Variants in LMTK2 observed in about 807,000 individuals in gnomAD.
The protein encoded by LMTK2 is serine/threonine-protein kinase LMTK2.
LMTK2 carries 37 observed loss-of-function variants against 127.5 expected under a neutral mutation model. The ratio of observed to expected loss-of-function variants is 0.29; its 90% CI spans 0.22 to 0.38. LMTK2 has a LOEUF of 0.38. Among genes scored for constraint, LMTK2 ranks in the 10% least tolerant of loss-of-function variants. LMTK2 has a pLI of 1.00. For missense variants in LMTK2, 1,694 were observed against 1,920.3 expected, an observed-to-expected ratio of 0.88 and a Z score of 2.20; for synonymous variants, 819 against 810.1, an observed-to-expected ratio of 1.01 and a Z score of -0.19.
chr7:98,196,611 G>A (rs1240536680), intron 11 of LMTK2, among the ~76,000 whole-genome samples: 1 of 152,230 alleles, frequency 6.6e-6, no homozygotes, highest in African/African-American at 2.4e-5. Context: ...TGAGAGGGAC[G>A]CAGTCCCAGT....
intron 3 of LMTK2, among the ~76,000 whole-genome samples, chr7:98,144,997 G>C (rs180848405): frequency 6.9e-4 from 105 of 152,254 alleles, no homozygotes; most frequent in Non-Finnish European, 9.7e-4. Context: ...TTTGCAGGTG[G>C]TTGTTGTACT....
rs548731659 is a variant in LMTK2, at chr7:98,185,678, C to T, written c.876+543C>T. On this transcript the variant is annotated intron_variant, in intron 8 of 13. Transcript: ENST00000297293. ...GCAGAGAATGGGACTGTCCCAGCTC[C>T]GGGCTGTCAGGAGACCTCGGATAAG... is the stretch of plus-strand genomic sequence containing the variant. Among the ~76,000 whole-genome samples, 4 of 151,784 alleles carry T rather than the reference C, an allele frequency of 2.6e-5. No individual in the cohort carries two copies. The South Asian group carries it at 6.3e-4, about 24-fold the overall frequency.
chr7:98,157,293 G>T (rs1287985434), intron 5 of LMTK2, among the ~76,000 whole-genome samples: 59 of 126,286 alleles, frequency 4.7e-4, no homozygotes, highest in African/African-American at 1.6e-3. Flanking sequence ...AGGTAGGTAG[G>T]TAGGTAGATT....
At chr7:98,173,703 A>C (rs1051777421) in intron 7 of LMTK2, among the ~76,000 whole-genome samples, 1 of 152,228 alleles carries the variant, frequency 6.6e-6, no homozygotes, top group Non-Finnish European at 1.5e-5. Flanking sequence ...TAGAGCAAGT[A>C]AAGATGATGA....
intron 1 of LMTK2, among the ~76,000 whole-genome samples, chr7:98,135,766 A>C (rs1293592894): frequency 6.6e-6 from 1 of 152,220 alleles, no homozygotes; most frequent in Non-Finnish European, 1.5e-5. Context: ...GCTAAAAATA[A>C]GATGTAAAAA....
chr7:98,148,769 A>G (rs1796808750), intron 3 of LMTK2, among the ~76,000 whole-genome samples: 1 of 152,326 alleles, frequency 6.6e-6, no homozygotes, highest in East Asian at 1.9e-4. Context: ...CACTCCTTCA[A>G]CACCTAGCCA....
chr7:98,110,331 T>C (rs1661716260), intron 1 of LMTK2, among the ~76,000 whole-genome samples: 1 of 152,194 alleles, frequency 6.6e-6, no homozygotes, highest in African/African-American at 2.4e-5. Context: ...CATTTCTTGG[T>C]TGAACTTTAT....
intron 9 of LMTK2, among the ~76,000 whole-genome samples, chr7:98,188,127 G>A (rs1320727336): frequency 3.3e-5 from 5 of 151,898 alleles, no homozygotes; most frequent in South Asian, 2.1e-4. Flanking sequence ...TTTTGTATTC[G>A]TTAGTCAGCT....
At chr7:98,204,413 G>C (rs1416538993) in intron 13 of LMTK2, among the ~76,000 whole-genome samples, 2 of 152,070 alleles carry the variant, frequency 1.3e-5, no homozygotes, top group African/African-American at 2.4e-5. Context: ...GTTGAGCCTG[G>C]GAGTGTGAGA....
At chr7:98,146,088 T>C (rs1796769239) in intron 3 of LMTK2, among the ~76,000 whole-genome samples, 1 of 152,212 alleles carries the variant, frequency 6.6e-6, no homozygotes, top group African/African-American at 2.4e-5. Flanking sequence ...TGAATTGTCC[T>C]GGAACCCTTT....
At chr7:98,113,849 GGC>G (rs1319808203) in intron 1 of LMTK2, among the ~76,000 whole-genome samples, 2 of 152,138 alleles carry the variant, frequency 1.3e-5, no homozygotes, top group African/African-American at 4.8e-5. Flanking sequence ...TGTAGCAAGT[GGC>G]TAATTCGGAG....
chr7:98,154,607 T>C, intron 4 of LMTK2, 151 bp from the exon 5 acceptor site: 1 of 587,180 alleles, frequency 1.7e-6, no homozygotes, highest in Non-Finnish European at 3.0e-6. Flanking sequence ...ATTTGAGTTT[T>C]CCAAGCTTTT....
rs375119256 is a variant in LMTK2, at chr7:98,171,709, A to G, written c.791+35A>G. ...TGCGTCAGCGGTGCACGCCCCACAC[A>G]GCACCGGCGGGACAGTCCAGAGAGG... On this transcript the variant is annotated intron_variant, in intron 7 of 13. Transcript: ENST00000297293. This position sits in a 1 kb window ranked among gnomAD's most constrained non-coding sequence, Gnocchi z 5.1. The G allele has an allele frequency of 4.6e-6, 7 of 1,529,760 alleles. No homozygotes were observed. In the African/African-American group the frequency reaches 9.6e-5, roughly 21 times the overall value. 94.8% of individuals were successfully genotyped at this position (1,529,760 alleles called of 1,614,324 possible).
At chr7:98,170,379 T>A (rs1237473162) in intron 6 of LMTK2, among the ~76,000 whole-genome samples, 2 of 152,238 alleles carry the variant, frequency 1.3e-5, no homozygotes, top group East Asian at 1.9e-4. Context: ...TACCTCAGAA[T>A]GTACTCAGTA....
intron 1 of LMTK2, among the ~76,000 whole-genome samples, chr7:98,119,091 CAAAAA>C (rs11309792): frequency 3.4e-5 from 3 of 89,406 alleles, no homozygotes; most frequent in African/African-American, 4.3e-5. Context: ...GAATCCATCT[CAAAAA>C]AAAAAAAAAA....
At chr7:98,165,802 G>A (rs893816121) in intron 6 of LMTK2, among the ~76,000 whole-genome samples, 1 of 152,130 alleles carries the variant, frequency 6.6e-6, no homozygotes, top group Non-Finnish European at 1.5e-5. Flanking sequence ...ATGACGTGTC[G>A]TTGCCCCTAA....
At chr7:98,147,644 C>T (rs564669250) in intron 3 of LMTK2, among the ~76,000 whole-genome samples, 9 of 152,272 alleles carry the variant, frequency 5.9e-5, no homozygotes, top group African/African-American at 2.2e-4. Flanking sequence ...TTGACAGTGT[C>T]CCACAAGTTC....
chr7:98,166,786 A>G (rs969576139), intron 6 of LMTK2, among the ~76,000 whole-genome samples: 1 of 152,254 alleles, frequency 6.6e-6, no homozygotes, highest in Admixed American at 6.5e-5. Context: ...ATCTAGGTTC[A>G]TGTAAGTATA....
At chr7:98,147,820 A>G (rs1562905353) in intron 3 of LMTK2, among the ~76,000 whole-genome samples, 1 of 152,160 alleles carries the variant, frequency 6.6e-6, no homozygotes, top group Non-Finnish European at 1.5e-5. Flanking sequence ...TTCTAGAGAA[A>G]TTCTTCTCTA....
Sources: allele counts gnomAD v4.1 joint callset (sites outside exome capture counted in the v4.1 genomes callset), GRCh38; gene constraint gnomAD v4.1.1; non-coding constraint Gnocchi (gnomAD v3.1); transcripts MANE v1.5; gene names NCBI Gene and HGNC (gene_info 2026-07-23, HGNC 2026-07-21).